The following RPSA2 variants were observed in gnomAD, a reference collection of about 807,000 sequenced individuals.
The protein encoded by RPSA2 is small ribosomal subunit protein uS2B.
the RPSA2 span, chr19:23,832,685 G>T: frequency 4.7e-6 from 7 of 1,493,000 alleles, no homozygotes; most frequent in Middle Eastern, 1.8e-4. Flanking sequence ...ACCCTAACTG[G>T]TCATAAGAGG....
the RPSA2 span, among the ~76,000 whole-genome samples, chr19:23,845,805 A>T: frequency 1.3e-5 from 2 of 152,208 alleles, no homozygotes; most frequent in Non-Finnish European, 1.5e-5. Flanking sequence ...CATCCTAATT[A>T]CTTCATTTAC....
the RPSA2 span, among the ~76,000 whole-genome samples, chr19:23,806,044 T>TTCC: frequency 2.2e-5 from 1 of 46,120 alleles, no homozygotes; most frequent in African/African-American, 5.5e-5. Context: ...TCCTTCTTTC[T>TTCC]TTCTTTTTTT....
the RPSA2 span, among the ~76,000 whole-genome samples, chr19:23,843,680 G>T: frequency 6.6e-6 from 1 of 152,186 alleles, no homozygotes; most frequent in African/African-American, 2.4e-5. Context: ...GTGATATTAA[G>T]ATTTGTTTCA....
the RPSA2 span, chr19:23,758,783 A>G: frequency 1.2e-6 from 2 of 1,613,994 alleles, no homozygotes; most frequent in Non-Finnish European, 1.7e-6. Context: ...CGTCTTAGCT[A>G]TGGATCGCCA....
chr19:23,869,068 G>A, the RPSA2 span, among the ~76,000 whole-genome samples: 1 of 152,182 alleles, frequency 6.6e-6, no homozygotes. Context: ...TTCCCTTGCA[G>A]AGTCAAAAAC....
the RPSA2 span, chr19:23,832,665 A>C: frequency 6.8e-7 from 1 of 1,475,284 alleles, no homozygotes; most frequent in Non-Finnish European, 9.1e-7. Flanking sequence ...AAGCATTTCT[A>C]TGGTTCATTA....
At chr19:23,832,657 G>A in the RPSA2 span, 13 of 1,472,660 alleles carry the variant, frequency 8.8e-6, no homozygotes, top group African/African-American at 1.1e-4. Context: ...AGGTGGCAAA[G>A]CATTTCTATG....
the RPSA2 span, among the ~76,000 whole-genome samples, chr19:23,863,441 A>G: frequency 1.3e-5 from 2 of 151,828 alleles, no homozygotes; most frequent in African/African-American, 4.8e-5. Context: ...ATAGGCACCT[A>G]TAATCCCAGC....
chr19:23,860,241 T>C, the RPSA2 span, among the ~76,000 whole-genome samples: 148,947 of 152,278 alleles, frequency 0.98, 72,938 homozygotes, highest in Middle Eastern at 1. Flanking sequence ...CATCTCTTAT[T>C]GTCTCATCTC....
At chr19:23,779,280 G>A in the RPSA2 span, among the ~76,000 whole-genome samples, 11 of 152,228 alleles carry the variant, frequency 7.2e-5, no homozygotes, top group South Asian at 1.0e-3. Context: ...GATTACAGGC[G>A]TGAGCCACTG....
At chr19:23,853,148 T>A in the RPSA2 span, among the ~76,000 whole-genome samples, 2 of 152,246 alleles carry the variant, frequency 1.3e-5, no homozygotes, top group East Asian at 3.9e-4. Context: ...AACTGCAGGC[T>A]CCTGATTATT....
the RPSA2 span, among the ~76,000 whole-genome samples, chr19:23,867,077 G>A: frequency 6.6e-6 from 1 of 152,206 alleles, no homozygotes; most frequent in African/African-American, 2.4e-5. Flanking sequence ...AAAGGGTTTG[G>A]GAGCACAACT....
the RPSA2 span, among the ~76,000 whole-genome samples, chr19:23,792,230 A>C: frequency 2.6e-5 from 4 of 152,322 alleles, no homozygotes; most frequent in South Asian, 8.3e-4. Context: ...ATGGAAATTA[A>C]AGCTTAAGCC....
the RPSA2 span, among the ~76,000 whole-genome samples, chr19:23,794,240 T>C: frequency 6.6e-6 from 1 of 152,240 alleles, no homozygotes; most frequent in Non-Finnish European, 1.5e-5. Flanking sequence ...CTTGGTGAAA[T>C]GGTAATTCTG....
At chr19:23,761,935 TGA>T in the RPSA2 span, among the ~76,000 whole-genome samples, 8,160 of 25,878 alleles carry the variant, frequency 0.32, 1,820 homozygotes, top group Admixed American at 0.41. Context: ...TTTTTTTTTT[TGA>T]GATGGAGTCT....
the RPSA2 span, among the ~76,000 whole-genome samples, chr19:23,868,468 T>C: frequency 1.3e-5 from 2 of 152,030 alleles, no homozygotes; most frequent in Non-Finnish European, 2.9e-5. Flanking sequence ...TTCCTTACAT[T>C]ATAGACCAGG....
chr19:23,847,754 G>A, the RPSA2 span, among the ~76,000 whole-genome samples: 1 of 152,252 alleles, frequency 6.6e-6, no homozygotes, highest in Non-Finnish European at 1.5e-5. Flanking sequence ...GCGTATCTCA[G>A]TACTTATCTC....
At chr19:23,846,108 A>T in the RPSA2 span, among the ~76,000 whole-genome samples, 1 of 152,108 alleles carries the variant, frequency 6.6e-6, no homozygotes, top group African/African-American at 2.4e-5. Flanking sequence ...ATTTCTTTTT[A>T]AAGTCTGTTT....
At chr19:23,843,265 C>T in the RPSA2 span, 1 of 203,766 alleles carries the variant, frequency 4.9e-6, no homozygotes, top group African/African-American at 2.3e-5. Flanking sequence ...AGACAGTGGT[C>T]AAATACTCTG....
Sources: allele counts gnomAD v4.1 joint callset (sites outside exome capture counted in the v4.1 genomes callset), GRCh38; gene constraint gnomAD v4.1.1; transcripts MANE v1.5; gene names NCBI Gene and HGNC (gene_info 2026-07-23, HGNC 2026-07-21).